The following DIS3L2 variants were observed in gnomAD, a reference collection of about 807,000 sequenced individuals.
DIS3L2 encodes the protein DIS3-like exonuclease 2.
Under a neutral mutation model 97.5 loss-of-function variants are expected in DIS3L2, and 34 were observed. That is an observed-to-expected ratio of 0.35 (90% CI 0.27 to 0.46). The LOEUF is 0.46. DIS3L2 is among the 20% of genes least tolerant of loss of function. The probability of loss-of-function intolerance (pLI) is 1.00; values close to 1 mark genes in which losing one functional copy is unlikely to be tolerated. For missense variants in DIS3L2, 1,038 were observed against 1,146.0 expected, an observed-to-expected ratio of 0.91 and a Z score of 1.36; for synonymous variants, 435 against 445.2, an observed-to-expected ratio of 0.98 and a Z score of 0.29.
intron 5 of DIS3L2, among the ~76,000 whole-genome samples, chr2:232,070,299 C>T (rs530002216): frequency 2.6e-5 from 4 of 151,750 alleles, no homozygotes; most frequent in Admixed American, 2.6e-4. Flanking sequence ...AAATTCTTTC[C>T]TAGGGCTTGC....
At chr2:232,158,865 T>C (rs1350545580) in intron 8 of DIS3L2, among the ~76,000 whole-genome samples, 1 of 152,192 alleles carries the variant, frequency 6.6e-6, no homozygotes, top group Non-Finnish European at 1.5e-5. Context: ...TTAAAATTAC[T>C]AATTATTACC....
intron 9 of DIS3L2, among the ~76,000 whole-genome samples, chr2:232,186,700 T>C (rs773678918): frequency 2.0e-4 from 30 of 152,230 alleles, no homozygotes; most frequent in South Asian, 1.0e-3. Context: ...CTATTGCTAT[T>C]ACAGAAGTGT....
intron 14 of DIS3L2, among the ~76,000 whole-genome samples, chr2:232,309,608 A>G (rs1416206491): frequency 6.6e-6 from 1 of 151,888 alleles, no homozygotes; most frequent in East Asian, 1.9e-4. Context: ...CACCCCCACC[A>G]GCTAGGATTA....
intron 12 of DIS3L2, among the ~76,000 whole-genome samples, chr2:232,251,466 C>T (rs1693415469): frequency 6.6e-6 from 1 of 152,154 alleles, no homozygotes; most frequent in African/African-American, 2.4e-5. Context: ...AATTAGAAGA[C>T]TAGTCCAAGA....
chr2:231,995,335 A>G (rs544994208), intron 1 of DIS3L2, among the ~76,000 whole-genome samples: 4 of 152,234 alleles, frequency 2.6e-5, no homozygotes, highest in East Asian at 3.9e-4. Flanking sequence ...GTTCGTTTCT[A>G]TGCTTGGGGT....
rs1388367521 is a variant in DIS3L2, at chr2:232,009,142, C to T, written c.-93-5693C>T. Among the ~76,000 whole-genome samples the T allele has an allele frequency of 3.3e-5, 5 of 152,178 alleles. No individual in the cohort carries two copies. In the South Asian group the frequency reaches 1.0e-3, roughly 32 times the overall value. ...TCCTTTATTTTAAAAGTGTTTTCTT[C>T]TAGTTCTTTGAACATATTTATAATA... On this transcript the variant is annotated intron_variant, in intron 1 of 20. Transcript: ENST00000325385.
chr2:232,279,685 C>T lies in DIS3L2; in HGVS notation c.1659+16245C>T, dbSNP rs140570481. Among the ~76,000 whole-genome samples the T allele has an allele frequency of 5.4e-3, 828 of 152,206 alleles. 10 individuals are homozygous for T. The highest frequency in any genetic ancestry group is 0.018 in the African/African-American group (761 of 41,506). The stretch of plus-strand genomic sequence containing the variant: ...CTGGGATTACAGACAACCACCACCA[C>T]GCCCGGCTAATTATTTTATATTTTT... On this transcript the variant is annotated intron_variant, in intron 13 of 20. Coordinates refer to ENST00000325385, the MANE Select transcript of DIS3L2 (RefSeq NM_152383.5).
In DIS3L2 at chr2:231,971,445, ATTGT is replaced by A. The variant is rs753346691; in HGVS notation, c.-94+9695_-94+9698del. ...AGGTGTGTGCCACCACGCCCAGCTC[ATTGT>A]TTGTTTGTTTGTTTTTTGAACGGAG... On this transcript the variant is annotated intron_variant, in intron 1 of 20. Coordinates refer to ENST00000325385, the MANE Select transcript of DIS3L2 (RefSeq NM_152383.5). Among the ~76,000 whole-genome samples, 138 of 150,944 alleles carry A rather than the reference ATTGT, an allele frequency of 9.1e-4. 3 individuals are homozygous for A. The highest frequency in any genetic ancestry group is 9.2e-4 in the Admixed American group (14 of 15,192).
intron 1 of DIS3L2, among the ~76,000 whole-genome samples, chr2:231,974,059 T>C (rs943595097): frequency 6.6e-6 from 1 of 152,184 alleles, no homozygotes; most frequent in African/African-American, 2.4e-5. Flanking sequence ...TATATATATA[T>C]ACTTTAACCT....
chr2:232,083,574 A>T (rs1362966067), intron 5 of DIS3L2, among the ~76,000 whole-genome samples: 2 of 150,730 alleles, frequency 1.3e-5, no homozygotes. Context: ...AGCTCACTGC[A>T]ACCTCTGCCC....
intron 16 of DIS3L2, chr2:232,331,945 C>G (rs983019484): frequency 1.8e-4 from 28 of 152,432 alleles, no homozygotes; most frequent in African/African-American, 6.5e-4. Context: ...TGCTCCTGTT[C>G]CTCAGCCCCG....
intron 4 of DIS3L2, among the ~76,000 whole-genome samples, chr2:232,028,770 TC>T (rs964908765): frequency 6.6e-5 from 10 of 152,294 alleles, no homozygotes; most frequent in African/African-American, 2.4e-4. Context: ...CTCTTCCACA[TC>T]TCTCTGAGAA....
chr2:232,089,535 G>C (rs745631294), intron 6 of DIS3L2, among the ~76,000 whole-genome samples: 4 of 152,206 alleles, frequency 2.6e-5, no homozygotes, highest in African/African-American at 7.2e-5. Context: ...AGTGAGAAGA[G>C]TGGCAAATAA....
intron 11 of DIS3L2, among the ~76,000 whole-genome samples, chr2:232,240,818 G>A (rs16828717): frequency 0.13 from 19,341 of 152,194 alleles, 1,697 homozygotes; most frequent in East Asian, 0.37. Flanking sequence ...ATGAAGCCAC[G>A]GCCATGCACT....
At chr2:232,075,828 C>T (rs1696170334) in intron 5 of DIS3L2, among the ~76,000 whole-genome samples, 2 of 152,168 alleles carry the variant, frequency 1.3e-5, no homozygotes, top group Non-Finnish European at 2.9e-5. Context: ...TTATTAAATC[C>T]TTCACTTTAC....
chr2:232,106,690 T>G (rs1421400162), intron 6 of DIS3L2, among the ~76,000 whole-genome samples: 1 of 152,106 alleles, frequency 6.6e-6, no homozygotes, highest in Admixed American at 6.5e-5. Flanking sequence ...AATATTAGAT[T>G]ATTGAGACAG....
chr2:232,119,337 A>T (rs1383799461), intron 6 of DIS3L2, among the ~76,000 whole-genome samples: 3 of 152,182 alleles, frequency 2.0e-5, no homozygotes, highest in Non-Finnish European at 4.4e-5. Flanking sequence ...GGGTAGAGAA[A>T]CACCTGTCGG....
At position 232,263,358 on chromosome 2, in the gene DIS3L2, A is replaced by T. The variant is rs749646487; in HGVS notation, c.1577A>T (p.His526Leu). Residue 526 changes from histidine to leucine, a missense_variant, in exon 13 of 21, where the codon CAC (histidine) becomes CTC (leucine). His to Leu is a moderately conservative substitution (Grantham distance 99). Transcript: ENST00000325385. ...ISPEHSSEEV[H>L]QAVLNLHGIA... ...CCAGAGCATAGCAGCGAGGAGGTAC[A>T]CCAGGCCGTCTTGAATCTCCACGGA... is the stretch of plus-strand genomic sequence containing the variant. 1 of 1,614,164 alleles carries T rather than the reference A, an allele frequency of 6.2e-7. No individual in the cohort carries two copies. Among genetic ancestry groups the T allele is most frequent in the East Asian group, 2.2e-5 (1 of 44,874 alleles).
chr2:232,134,415 G>A (rs959016212), intron 7 of DIS3L2, among the ~76,000 whole-genome samples: 2 of 152,210 alleles, frequency 1.3e-5, no homozygotes, highest in African/African-American at 4.8e-5. Flanking sequence ...TTTAAGGTTA[G>A]AGAATACTGG....
Sources: gnomAD v4.1 joint callset for allele counts (sites outside exome capture counted in the v4.1 genomes callset) on GRCh38, gnomAD v4.1.1 for gene constraint, MANE v1.5 for transcripts, NCBI Gene and HGNC (gene_info 2026-07-23, HGNC 2026-07-21) for gene names.